Variants in NOVA1 observed in about 807,000 individuals in gnomAD.
NOVA1 encodes RNA-binding protein Nova-1.
A neutral mutation model predicts 38.0 loss-of-function variants in NOVA1; 7 were observed. The ratio of observed to expected loss-of-function variants is 0.18; its 90% confidence interval spans 0.10 to 0.35. The LOEUF is 0.35. Ranked by LOEUF, NOVA1 falls within the 10% of genes least tolerant of loss-of-function variation. The probability of loss-of-function intolerance (pLI) is 1.00; values close to 1 mark genes in which losing one functional copy is unlikely to be tolerated. For missense variants in NOVA1, 460 were observed against 616.0 expected, an observed-to-expected ratio of 0.75 and a Z score of 2.68; for synonymous variants, 270 against 232.5, an observed-to-expected ratio of 1.16 and a Z score of -1.47.
intron 1 of NOVA1, 65 bp from the exon 2 acceptor site, chr14:26,595,618 C>A: frequency 6.9e-7 from 1 of 1,445,818 alleles, no homozygotes; most frequent in Non-Finnish European, 9.4e-7. Context: ...CCCTCTCCAC[C>A]CTCAAGAGAG....
chr14:26,448,982 C>G lies in NOVA1; in HGVS notation c.520-19G>C, dbSNP rs747279869. The G allele has an allele frequency of 1.9e-6, 3 of 1,576,634 alleles. No homozygotes were observed. The highest frequency in any genetic ancestry group is 3.7e-5 in the Admixed American group (2 of 53,982). On this transcript the variant is annotated intron_variant, in intron 4 of 4. Transcript: ENST00000539517. The surrounding 1 kb of genome is among the most constrained non-coding windows in gnomAD (Gnocchi z 5.3). ...TCTTTACCTGTAATTAAAAAAAATACGTATAAATAATACTTCTGTTTTGTG... is the reference window on the plus strand; with the variant it reads ...TCTTTACCTGTAATTAAAAAAAATAGGTATAAATAATACTTCTGTTTTGTG...
chr14:26,503,557 A>T (rs1014176001), intron 2 of NOVA1, among the ~76,000 whole-genome samples: 1 of 152,142 alleles, frequency 6.6e-6, no homozygotes, highest in South Asian at 2.1e-4. Context: ...ATGGTAAGTT[A>T]GCATGCTCTT....
At position 26,597,823 on chromosome 14, in the gene NOVA1, T is replaced by G. The variant is rs1894306166; in HGVS notation, c.-387A>C. 2.2e-5 allele frequency: 6 copies of G among 278,644 alleles called. No homozygotes were observed. Among genetic ancestry groups the G allele is most frequent in the South Asian group, 1.5e-4 (1 of 6,776 alleles). The allele number at this position is 278,644 out of a possible 1,614,324, so 17.3% of individuals were successfully genotyped here. A position where few individuals can be genotyped will look rare whatever the true frequency, so the allele number is the denominator to read the frequency against. On this transcript the variant is annotated 5_prime_UTR_variant, in exon 1 of 5. Coordinates refer to ENST00000539517, the MANE Select transcript of NOVA1 (RefSeq NM_002515.3). ...AGAGGGAGTGGGAGAGCGCGAGGGC[T>G]GGCGGGGCGCGGGGAGAAGCCGAGG...
chr14:26,458,615 CTGAGTAAACA>C (rs1883376495), intron 4 of NOVA1, among the ~76,000 whole-genome samples: 1 of 151,934 alleles, frequency 6.6e-6, no homozygotes, highest in African/African-American at 2.4e-5. Context: ...GAACTAAACA[CTGAGTAAACA>C]TGGACATAAA....
intron 2 of NOVA1, among the ~76,000 whole-genome samples, chr14:26,523,570 G>A (rs950855546): frequency 6.6e-6 from 1 of 152,030 alleles, no homozygotes; most frequent in Non-Finnish European, 1.5e-5. Context: ...CTCCATATGC[G>A]ATCTCTGTTG....
chr14:26,585,153 G>A (rs1893442313), intron 2 of NOVA1, among the ~76,000 whole-genome samples: 2 of 151,372 alleles, frequency 1.3e-5, no homozygotes, highest in East Asian at 1.9e-4. Flanking sequence ...ATCAAACAAT[G>A]TATTAATACA....
chr14:26,573,932 A>G (rs1379843660), intron 2 of NOVA1, among the ~76,000 whole-genome samples: 3 of 152,174 alleles, frequency 2.0e-5, no homozygotes, highest in Non-Finnish European at 4.4e-5. Flanking sequence ...AAAAGTACAC[A>G]AAGTGCAAGA....
At chr14:26,592,883 T>C (rs1893946200) in intron 2 of NOVA1, 2 of 151,738 alleles carry the variant, frequency 1.3e-5, no homozygotes, top group South Asian at 2.1e-4. Flanking sequence ...AACACACTAG[T>C]ATTTTAACTA....
chr14:26,492,543 C>A (rs545539059), intron 2 of NOVA1, among the ~76,000 whole-genome samples: 1 of 151,996 alleles, frequency 6.6e-6, no homozygotes, highest in Non-Finnish European at 1.5e-5. Flanking sequence ...TGTTTTATCA[C>A]GAAAAAAATT....
At chr14:26,597,163 A>C in intron 1 of NOVA1, 138 bp downstream of exon 1, 1 of 1,102,010 alleles carries the variant, frequency 9.1e-7, no homozygotes, top group Non-Finnish European at 1.1e-6. Flanking sequence ...GCAGGGGCGC[A>C]GGGGCCGCCG....
At chr14:26,554,946 A>G (rs1329754478) in intron 2 of NOVA1, among the ~76,000 whole-genome samples, 2 of 152,166 alleles carry the variant, frequency 1.3e-5, no homozygotes, top group African/African-American at 4.8e-5. Flanking sequence ...AAGCAATTAA[A>G]TAACATGAAT....
At chr14:26,537,339 G>A (rs1040619876) in intron 2 of NOVA1, among the ~76,000 whole-genome samples, 2 of 151,850 alleles carry the variant, frequency 1.3e-5, no homozygotes, top group African/African-American at 4.8e-5. Flanking sequence ...AAACTTATGA[G>A]CTATTTTTTA....
chr14:26,549,331 G>A (rs1891024962), intron 2 of NOVA1: 1 of 120,082 alleles, frequency 8.3e-6, no homozygotes, highest in Non-Finnish European at 1.8e-5. Flanking sequence ...TGAATTACAA[G>A]TTTTTTTTTT....
intron 3 of NOVA1, among the ~76,000 whole-genome samples, chr14:26,473,548 T>C (rs2075421790): frequency 1.3e-5 from 2 of 151,988 alleles, no homozygotes; most frequent in African/African-American, 4.8e-5. Flanking sequence ...TGAAATTACT[T>C]GAAGTCATAT....
At chr14:26,572,108 TTA>T (rs1367277941) in intron 2 of NOVA1, among the ~76,000 whole-genome samples, 28 of 152,296 alleles carry the variant, frequency 1.8e-4, no homozygotes, top group Admixed American at 6.5e-4. Flanking sequence ...GAATGGGATG[TTA>T]TGAAATACAC....
chr14:26,449,806 G>A (rs898303695), intron 4 of NOVA1, among the ~76,000 whole-genome samples: 1 of 151,936 alleles, frequency 6.6e-6, no homozygotes, highest in Non-Finnish European at 1.5e-5. Flanking sequence ...AGAGGATACT[G>A]AAAAATTACT....
chr14:26,597,081 A>G (rs1429953194), intron 1 of NOVA1: 5 of 1,230,992 alleles, frequency 4.1e-6, no homozygotes, highest in Non-Finnish European at 5.1e-6. Context: ...ATTTTGATGA[A>G]TGATAAACAC....
At chr14:26,492,442 T>C (rs1886416808) in intron 2 of NOVA1, among the ~76,000 whole-genome samples, 1 of 152,316 alleles carries the variant, frequency 6.6e-6, no homozygotes, top group East Asian at 1.9e-4. Context: ...TTTCTTATCA[T>C]GGGAAAAGCT....
intron 2 of NOVA1, among the ~76,000 whole-genome samples, chr14:26,568,968 C>T (rs1203184956): frequency 6.6e-6 from 1 of 152,110 alleles, no homozygotes; most frequent in Non-Finnish European, 1.5e-5. Flanking sequence ...TAATCTCAAG[C>T]CAAGAATTTA....
Sources: allele counts gnomAD v4.1 joint callset (sites outside exome capture counted in the v4.1 genomes callset), GRCh38; gene constraint gnomAD v4.1.1; non-coding constraint Gnocchi (gnomAD v3.1); transcripts MANE v1.5; gene names NCBI Gene and HGNC (gene_info 2026-07-23, HGNC 2026-07-21).